The following VRK1 variants were observed in gnomAD, a reference collection of about 807,000 sequenced individuals.
VRK1 encodes serine/threonine-protein kinase VRK1.
A neutral mutation model predicts 57.1 loss-of-function variants in VRK1; 33 were observed. That is an observed-to-expected ratio of 0.58 (90% CI 0.44 to 0.77). VRK1 has a LOEUF of 0.77. Among genes scored for constraint, VRK1 ranks in the 30% least tolerant of loss-of-function variants. The pLI is 0.00. For missense variants in VRK1, 413 were observed against 477.3 expected, an observed-to-expected ratio of 0.87 and a Z score of 1.25; for synonymous variants, 137 against 147.8, an observed-to-expected ratio of 0.93 and a Z score of 0.53.
chr14:96,799,969 TTATC>T (rs1388784718), intron 1 of VRK1, among the ~76,000 whole-genome samples: 1 of 151,844 alleles, frequency 6.6e-6, no homozygotes, highest in African/African-American at 2.4e-5. Context: ...TTTTTTAACT[TTATC>T]TAGCATCCAG....
chr14:96,811,038 T>C (rs1886175911), intron 1 of VRK1, among the ~76,000 whole-genome samples: 1 of 152,082 alleles, frequency 6.6e-6, no homozygotes, highest in African/African-American at 2.4e-5. Context: ...CAAGCGGTTC[T>C]CCCACCTCAG....
chr14:96,867,720 A>G (rs1253805826), intron 11 of VRK1, among the ~76,000 whole-genome samples: 2 of 152,130 alleles, frequency 1.3e-5, no homozygotes, highest in African/African-American at 4.8e-5. Context: ...CTCTTCGACC[A>G]CATGTTCATT....
chr14:96,817,765 T>TA (rs1886451108), intron 1 of VRK1, among the ~76,000 whole-genome samples: 1 of 152,224 alleles, frequency 6.6e-6, no homozygotes, highest in African/African-American at 2.4e-5. Context: ...ATTTTGAAAA[T>TA]ATGCTAAGTG....
At position 96,806,733 on chromosome 14, in the gene VRK1, T is replaced by G. The variant is rs368645641; in HGVS notation, c.-6+9286T>G. On this transcript the variant is annotated intron_variant, in intron 1 of 12. Transcript: ENST00000216639. ...GTTTGTCATCATCATCATTTTCACT[T>G]TGATATACCTGAAGGTATTTTTCTC... Among the ~76,000 whole-genome samples, 14 of 152,296 alleles carry G rather than the reference T, an allele frequency of 9.2e-5. No individual in the cohort carries two copies. The East Asian group carries it at 2.7e-3, about 29-fold the overall frequency.
chr14:96,798,235 C>T (rs898612036), intron 1 of VRK1, among the ~76,000 whole-genome samples: 9 of 152,188 alleles, frequency 5.9e-5, no homozygotes, highest in African/African-American at 2.2e-4. Context: ...AGGGTGGCAT[C>T]CTTTACTGTT....
intron 11 of VRK1, among the ~76,000 whole-genome samples, chr14:96,866,440 G>T (rs1031332671): frequency 1.3e-4 from 20 of 152,104 alleles, no homozygotes; most frequent in Non-Finnish European, 2.9e-4. Flanking sequence ...CTATATTGGC[G>T]ATCTCTTCTC....
intron 12 of VRK1, among the ~76,000 whole-genome samples, chr14:96,879,677 C>T (rs995092950): frequency 2.0e-5 from 3 of 151,994 alleles, no homozygotes; most frequent in African/African-American, 7.2e-5. Context: ...GCTTGTAATG[C>T]CAGCAGTTTG....
chr14:96,864,433 C>T (rs773262029), intron 11 of VRK1, among the ~76,000 whole-genome samples: 3 of 152,124 alleles, frequency 2.0e-5, no homozygotes, highest in Non-Finnish European at 4.4e-5. Context: ...CTCTGAATTT[C>T]CATGCTGTTG....
chr14:96,840,601 A>G (rs4905551), intron 3 of VRK1, among the ~76,000 whole-genome samples: 47,725 of 152,080 alleles, frequency 0.31, 8,336 homozygotes, highest in South Asian at 0.43. Context: ...TTTGTTTTTG[A>G]TAATACAAAT....
intron 11 of VRK1, among the ~76,000 whole-genome samples, chr14:96,868,452 A>T (rs1414751645): frequency 1.3e-5 from 2 of 152,218 alleles, no homozygotes; most frequent in East Asian, 3.8e-4. Flanking sequence ...TGAGTGTCTG[A>T]ATAGCTTCTG....
At chr14:96,833,757 A>T in intron 2 of VRK1, 126 bp downstream of exon 2, 1 of 1,401,222 alleles carries the variant, frequency 7.1e-7, no homozygotes. Flanking sequence ...ATAGTTTCTG[A>T]TTAAGCAAAA....
rs191823209 is a variant in VRK1 at position 96,818,940 on chromosome 14, C to T, written c.-5-14527C>T. 1.4e-3 allele frequency among the ~76,000 whole-genome samples: 219 copies of T among 152,240 alleles called. 3 individuals are homozygous for T. The highest frequency in any genetic ancestry group is 4.4e-4 in the Non-Finnish European group (30 of 68,006). Reference sequence around the variant, plus strand: ...ACTCAAGATTCTGTATTTTATTTTTCAAATGATTTCTTAGCACTAATCAAA... The same window carrying T: ...ACTCAAGATTCTGTATTTTATTTTTTAAATGATTTCTTAGCACTAATCAAA... On this transcript the variant is annotated intron_variant, in intron 1 of 12. Transcript: ENST00000216639.
chr14:96,829,625 A>T, intron 1 of VRK1, among the ~76,000 whole-genome samples: 1 of 152,338 alleles, frequency 6.6e-6, no homozygotes, highest in South Asian at 2.1e-4. Context: ...ATAATATCAC[A>T]TAATTACTCA....
intron 11 of VRK1, among the ~76,000 whole-genome samples, chr14:96,866,710 G>A (rs1419021168): frequency 6.6e-6 from 1 of 152,138 alleles, no homozygotes; most frequent in African/African-American, 2.4e-5. Flanking sequence ...TCTAGACTGG[G>A]GGCCACTGGT....
chr14:96,837,784 A>C lies in VRK1; in HGVS notation c.183A>C (p.Ser61=), dbSNP rs150196318. The C allele has an allele frequency of 4.9e-5, 77 of 1,567,692 alleles. No homozygotes were observed. The African/African-American group carries it at 9.2e-4, about 19-fold the overall frequency. ...IYLADMNSSE[S]VGSDAPCVVK... ...CAGCTGATATGAATTCTTCAGAGTCAGTTGGCAGTGATGCACCTTGTGTTG... is the reference window on the plus strand; with the variant it reads ...CAGCTGATATGAATTCTTCAGAGTCCGTTGGCAGTGATGCACCTTGTGTTG... The change falls in exon 3 of 13, where the codon TCA becomes TCC. Residue 61 remains serine, a synonymous_variant. Transcript: ENST00000216639.
intron 10 of VRK1, among the ~76,000 whole-genome samples, chr14:96,858,669 G>C (rs1888263557): frequency 6.6e-6 from 1 of 152,108 alleles, no homozygotes; most frequent in African/African-American, 2.4e-5. Context: ...TTGTTGTCAT[G>C]TTTGTCATCA....
chr14:96,875,427 T>G (rs1258513615), intron 11 of VRK1, among the ~76,000 whole-genome samples: 1 of 152,174 alleles, frequency 6.6e-6, no homozygotes, highest in Non-Finnish European at 1.5e-5. Context: ...TTAAGACTAT[T>G]CATGTACAGT....
chr14:96,824,433 A>G (rs1886721338), intron 1 of VRK1, among the ~76,000 whole-genome samples: 1 of 152,186 alleles, frequency 6.6e-6, no homozygotes, highest in Non-Finnish European at 1.5e-5. Flanking sequence ...GGGCAGGCAA[A>G]TGAGATGATT....
intron 12 of VRK1, 34 bp from the exon 13 acceptor site, chr14:96,881,143 C>A: frequency 6.4e-7 from 1 of 1,572,396 alleles, no homozygotes. Flanking sequence ...AAATTATTGA[C>A]TAGTGATTTC....
Sources: allele counts gnomAD v4.1 joint callset (sites outside exome capture counted in the v4.1 genomes callset), GRCh38; gene constraint gnomAD v4.1.1; transcripts MANE v1.5; gene names NCBI Gene and HGNC (gene_info 2026-07-23, HGNC 2026-07-21).